The following MYO3A variants were observed in gnomAD, a reference collection of about 807,000 sequenced individuals.
The protein encoded by MYO3A is myosin IIIA.
Under a neutral mutation model 192.7 loss-of-function variants are expected in MYO3A, and 180 were observed. The ratio of observed to expected loss-of-function variants is 0.93; its 90% CI spans 0.83 to 1.06. The LOEUF (loss-of-function observed/expected upper bound fraction) is 1.06. Among genes scored for constraint, MYO3A ranks in the 50% least tolerant of loss-of-function variants. The pLI is 0.00. For missense variants in MYO3A, 1,896 were observed against 1,905.0 expected (o/e 1.00, Z 0.09); for synonymous variants, 628 against 645.3 (o/e 0.97, Z 0.41).
At chr10:26,066,926 A>T (rs749934615) in intron 10 of MYO3A, 49 bp from the exon 11 acceptor site, 3 of 1,352,700 alleles carry the variant, frequency 2.2e-6, no homozygotes, top group South Asian at 2.3e-5. Context: ...ACTTTTTTCC[A>T]CTATGAGCAG....
intron 4 of MYO3A, among the ~76,000 whole-genome samples, chr10:25,984,053 A>G (rs1839497741): frequency 6.6e-6 from 1 of 152,244 alleles, no homozygotes. Context: ...CCAGACAAAC[A>G]AATACTGAGA....
In MYO3A at chr10:26,096,550, CT is replaced by C. The variant is rs1837049258; in HGVS notation, c.1662-14del. 6 of 1,594,790 alleles carry C rather than the reference CT, an allele frequency of 3.8e-6. No homozygotes were observed. Among genetic ancestry groups the C allele is most frequent in the Non-Finnish European group, 5.2e-6 (6 of 1,162,880 alleles). On this transcript the variant is annotated splice_polypyrimidine_tract_variant and intron_variant, in intron 16 of 34. Coordinates refer to ENST00000642920, the MANE Select transcript of MYO3A (RefSeq NM_017433.5). ...CCTTAATTTTAGACTTTTATCCTTC[CT>C]TTTATATTTTTTTTAGGTACCTACA...
intron 6 of MYO3A, among the ~76,000 whole-genome samples, chr10:26,012,643 A>G (rs1330749654): frequency 6.6e-6 from 1 of 152,202 alleles, no homozygotes; most frequent in Non-Finnish European, 1.5e-5. Flanking sequence ...AAGAATCAAT[A>G]TTGTGAGAAT....
At chr10:26,124,988 C>T (rs749898372) in intron 18 of MYO3A, among the ~76,000 whole-genome samples, 1 of 152,154 alleles carries the variant, frequency 6.6e-6, no homozygotes, top group Admixed American at 6.5e-5. Context: ...GTCTAAGTAA[C>T]CTGTTCCAGT....
chr10:26,112,028 G>A (rs1838214514), intron 17 of MYO3A, among the ~76,000 whole-genome samples: 1 of 152,140 alleles, frequency 6.6e-6, no homozygotes, highest in African/African-American at 2.4e-5. Context: ...CTCATCAGAG[G>A]CAGTGTTTCG....
chr10:26,208,515 A>G (rs1378130113), intron 34 of MYO3A, among the ~76,000 whole-genome samples: 1 of 152,218 alleles, frequency 6.6e-6, no homozygotes, highest in Non-Finnish European at 1.5e-5. Flanking sequence ...AAGGCTTTGC[A>G]GTGTTGTCCT....
intron 9 of MYO3A, among the ~76,000 whole-genome samples, chr10:26,025,857 A>T (rs118023717): frequency 0.023 from 3,453 of 152,328 alleles, 52 homozygotes; most frequent in Non-Finnish European, 0.037. Context: ...ATACATATTG[A>T]CATGGAATTT....
chr10:26,081,156 C>T (rs1235383924), intron 14 of MYO3A, among the ~76,000 whole-genome samples: 1 of 131,850 alleles, frequency 7.6e-6, no homozygotes, highest in African/African-American at 2.8e-5. Context: ...GCCCCCGCTA[C>T]CAGGGTGGGT....
intron 4 of MYO3A, among the ~76,000 whole-genome samples, chr10:25,984,129 T>A (rs1839502177): frequency 6.6e-6 from 1 of 151,962 alleles, no homozygotes; most frequent in African/African-American, 2.4e-5. Context: ...TTGAAACAAA[T>A]CCTCCAAATA....
rs772776782 is a variant in MYO3A, at chr10:26,211,948, C to T, written c.4836C>T (p.Leu1612=). 1.9e-6 allele frequency: 3 copies of T among 1,613,930 alleles called. No homozygotes were observed. Among genetic ancestry groups the T allele is most frequent in the Middle Eastern group, 1.7e-4 (1 of 6,056 alleles). ...LLRKTSQRRR[L]VQQS is the part of the protein sequence containing the mutation. ...GCAAAACCTCCCAGCGCCGGCGCCT[C>T]GTCCAGCAGTCCTAACCGTTCAACG... The change falls in exon 35 of 35, where the codon CTC becomes CTT. Residue 1612 remains leucine, a synonymous_variant. Transcript: ENST00000642920.
intron 17 of MYO3A, among the ~76,000 whole-genome samples, chr10:26,098,944 T>C (rs2131576234): frequency 6.6e-6 from 1 of 152,336 alleles, no homozygotes; most frequent in Non-Finnish European, 1.5e-5. Flanking sequence ...TCCAATTCTG[T>C]GAAGAAAGTC....
rs1302246851 is a variant in MYO3A, at chr10:26,070,110, G to A, written c.1171-1G>A. On this transcript the variant is annotated splice_acceptor_variant, in intron 12 of 34. Transcript: ENST00000642920. LOFTEE classifies it high-confidence loss of function. ...CAAAATGTATTCTTTTTAACCTTTA[G>A]CATTCCAAACTATATATTGGATCAA... 2 of 1,600,038 alleles carry A rather than the reference G, an allele frequency of 1.2e-6. No homozygotes were observed. Among genetic ancestry groups the A allele is most frequent in the East Asian group, 2.2e-5 (1 of 44,698 alleles).
intron 19 of MYO3A, among the ~76,000 whole-genome samples, chr10:26,126,036 A>T (rs1413446234): frequency 6.6e-6 from 1 of 152,032 alleles, no homozygotes; most frequent in Non-Finnish European, 1.5e-5. Context: ...TCATATTTTA[A>T]CTCTCACTGT....
At chr10:26,068,145 T>C (rs1370979420) in intron 11 of MYO3A, among the ~76,000 whole-genome samples, 1 of 152,154 alleles carries the variant, frequency 6.6e-6, no homozygotes, top group Non-Finnish European at 1.5e-5. Context: ...ATATATTAAA[T>C]GGTGGGTTTG....
At position 26,068,919 on chromosome 10, in the gene MYO3A, C is replaced by T. The variant is rs143474882; in HGVS notation, c.1170+35C>T. On this transcript the variant is annotated intron_variant, in intron 12 of 34. Coordinates refer to ENST00000642920, the MANE Select transcript of MYO3A (RefSeq NM_017433.5). ...ATGGGGTGCATTCTGTTACTTCATA[C>T]ACATAATTATACATTCAGATACTTA... is the stretch of plus-strand genomic sequence containing the variant. 2.5e-5 allele frequency: 32 copies of T among 1,304,840 alleles called. No homozygotes were observed. The African/African-American group carries it at 4.4e-4, about 18-fold the overall frequency. 80.8% of individuals were successfully genotyped at this position (1,304,840 alleles called of 1,614,324 possible).
chr10:26,086,935 T>C (rs895591601), intron 14 of MYO3A, among the ~76,000 whole-genome samples: 10 of 152,214 alleles, frequency 6.6e-5, no homozygotes, highest in African/African-American at 2.4e-4. Context: ...AGCAAACTTC[T>C]TAATCTAATC....
chr10:26,060,073 C>T (rs964594817), intron 10 of MYO3A, among the ~76,000 whole-genome samples: 8 of 152,102 alleles, frequency 5.3e-5, no homozygotes, highest in African/African-American at 1.4e-4. Context: ...ACCTAACCAA[C>T]GTAGAGAAAC....
At chr10:25,939,544 A>G (rs528525299) in intron 2 of MYO3A, among the ~76,000 whole-genome samples, 123 of 151,914 alleles carry the variant, frequency 8.1e-4, no homozygotes, top group Admixed American at 1.6e-3. Context: ...TAAAATGTTC[A>G]TTATGTTTAC....
intron 14 of MYO3A, among the ~76,000 whole-genome samples, chr10:26,074,470 G>T (rs1391024296): frequency 6.6e-6 from 1 of 151,260 alleles, no homozygotes; most frequent in Non-Finnish European, 1.5e-5. Flanking sequence ...CATGCAGTTT[G>T]GTCTACTTCT....
Sources: gnomAD v4.1 joint callset for allele counts (sites outside exome capture counted in the v4.1 genomes callset) on GRCh38, gnomAD v4.1.1 for gene constraint, MANE v1.5 for transcripts, NCBI Gene and HGNC (gene_info 2026-07-23, HGNC 2026-07-21) for gene names.